The following MORN1 variants were observed in gnomAD, a reference collection of about 807,000 sequenced individuals.
MORN1 encodes the protein MORN repeat containing 1.
A neutral mutation model predicts 61.9 loss-of-function variants in MORN1; 67 were observed. That is an observed-to-expected ratio of 1.08 (90% CI 0.89 to 1.33). The LOEUF is 1.33. Among genes scored for constraint, MORN1 ranks in the 40% most tolerant of loss-of-function variants. The pLI is 0.00. For missense variants in MORN1, 752 were observed against 691.2 expected, an observed-to-expected ratio of 1.09 and a Z score of -0.99; for synonymous variants, 301 against 292.0, an observed-to-expected ratio of 1.03 and a Z score of -0.31.
At chr1:2,384,721 C>A (rs992555135) in intron 6 of MORN1, among the ~76,000 whole-genome samples, 12 of 152,238 alleles carry the variant, frequency 7.9e-5, no homozygotes, top group African/African-American at 2.7e-4. Flanking sequence ...TGAGAGCCGC[C>A]TGTGAGCTTC....
At chr1:2,380,707 G>A (rs1483638725) in intron 6 of MORN1, among the ~76,000 whole-genome samples, 1 of 151,980 alleles carries the variant, frequency 6.6e-6, no homozygotes, top group Non-Finnish European at 1.5e-5. Context: ...ACCATGCTTA[G>A]CTAATTTTGT....
chr1:2,373,605 G>A (rs1198957387), intron 7 of MORN1, among the ~76,000 whole-genome samples: 1 of 152,162 alleles, frequency 6.6e-6, no homozygotes, highest in Admixed American at 6.5e-5. Flanking sequence ...TCCACCTGAG[G>A]GAGAAGCACC....
At chr1:2,331,999 C>CTCTCCCGCCCCTGCACCTCTCCCGCT (rs769802824) in intron 12 of MORN1, 2 of 119,958 alleles carry the variant, frequency 1.7e-5, no homozygotes, top group East Asian at 5.8e-4. Context: ...CCTCTCCCGC[C>CTCTCCCGCCCCTGCACCTCTCCCGCT]GCTGCGCCTC....
At chr1:2,388,513 T>TC in intron 2 of MORN1, 176 bp from the exon 3 acceptor site, 1 of 574,362 alleles carries the variant, frequency 1.7e-6, no homozygotes, top group Non-Finnish European at 3.1e-6. Flanking sequence ...CAAAAATATC[T>TC]GCCGAAACAC....
rs139557449 is a variant in MORN1, at chr1:2,329,297, C to T, written c.1251-5154G>A. ...CTCACACCTGCTTTGGTTTAGTATC[C>T]CTGCTTGGACAAGACAGGGTTCATT... is the stretch of plus-strand genomic sequence containing the variant. On this transcript the variant is annotated intron_variant, in intron 12 of 13. Coordinates refer to ENST00000378531, the MANE Select transcript of MORN1 (RefSeq NM_024848.3). 1.6e-3 allele frequency among the ~76,000 whole-genome samples: 239 copies of T among 152,328 alleles called. 1 individual carries two copies. The highest frequency in any genetic ancestry group is 5.6e-3 in the African/African-American group (232 of 41,568).
In MORN1 at chr1:2,337,233, T is replaced by C. The variant is rs563521863; in HGVS notation, c.1037-383A>G. On this transcript the variant is annotated intron_variant, in intron 10 of 13. Transcript: ENST00000378531. This position sits in a 1 kb window ranked among gnomAD's most constrained non-coding sequence, Gnocchi z 5.7. ...GGCCGGAGAGGCTGGCGCTCAACAG[T>C]ACAGCTGTGTGCCCTCCTCGGAGCG... is the stretch of plus-strand genomic sequence containing the variant. Among the ~76,000 whole-genome samples, 222 of 152,264 alleles carry C rather than the reference T, an allele frequency of 1.5e-3. 1 individual carries two copies. The highest frequency in any genetic ancestry group is 5.0e-3 in the African/African-American group (207 of 41,546).
chr1:2,381,444 C>T (rs1000517095), intron 6 of MORN1, among the ~76,000 whole-genome samples: 3 of 152,144 alleles, frequency 2.0e-5, no homozygotes, highest in South Asian at 2.1e-4. Context: ...CAGAGCACCC[C>T]GTGGGGCAGC....
Position 2,388,224 on chromosome 1 carries a change from C to G in MORN1, c.247+15G>C. 6.2e-7 allele frequency: 1 copy of G among 1,606,330 alleles called. No individual in the cohort carries two copies. Among genetic ancestry groups the G allele is most frequent in the Non-Finnish European group, 8.5e-7 (1 of 1,173,702 alleles). ...ATGAGAAAGGAGTGAATGTGCCATC[C>G]CAGCTAGAGCTCACCTGACCAGGCC... On this transcript the variant is annotated intron_variant, in intron 3 of 13. Coordinates refer to ENST00000378531, the MANE Select transcript of MORN1 (RefSeq NM_024848.3).
chr1:2,390,188 T>C (rs953652787), intron 1 of MORN1, among the ~76,000 whole-genome samples, 192 bp from the exon 2 acceptor site: 22 of 152,138 alleles, frequency 1.4e-4, no homozygotes, highest in African/African-American at 3.6e-4. Flanking sequence ...ATTTGCTCAT[T>C]TGTTTATGTG....
In MORN1 at chr1:2,372,232, T is replaced by A. The variant is rs1305771838; in HGVS notation, c.745+249A>T. ...CACACCTGTGCAAGGCATACACACA[T>A]ATGCACACACATACAGGAGCACGCA... On this transcript the variant is annotated intron_variant, in intron 8 of 13. Coordinates refer to ENST00000378531, the MANE Select transcript of MORN1 (RefSeq NM_024848.3). This position sits in a 1 kb window ranked among gnomAD's most constrained non-coding sequence, Gnocchi z 5.4. The A allele has an allele frequency of 4.3e-6, 2 of 467,254 alleles. No homozygotes were observed. Among genetic ancestry groups the A allele is most frequent in the Admixed American group, 7.0e-5 (2 of 28,536 alleles). The allele number at this position is 467,254 out of a possible 1,614,324, so 28.9% of individuals were successfully genotyped here. A position where few individuals can be genotyped will look rare whatever the true frequency, so the allele number is the denominator to read the frequency against.
At chr1:2,391,375 T>C in intron 1 of MORN1, 83 bp downstream of exon 1, 1 of 1,235,898 alleles carries the variant, frequency 8.1e-7, no homozygotes, top group Non-Finnish European at 1.0e-6. Flanking sequence ...GGTGAGCATT[T>C]GGGGGTCGAG....
chr1:2,374,372 GGTCA>G (rs2100341800), intron 7 of MORN1, 85 bp downstream of exon 7: 1 of 1,132,614 alleles, frequency 8.8e-7, no homozygotes, highest in East Asian at 2.6e-5. Context: ...GTGTGCTCTT[GGTCA>G]GTGTTTCCCA....
At chr1:2,385,517 G>A (rs918020332) in intron 5 of MORN1, 3 of 306,738 alleles carry the variant, frequency 9.8e-6, no homozygotes, top group Admixed American at 1.0e-4. Flanking sequence ...CCACTTTGCC[G>A]CCAGCCTGAC....
In MORN1 at chr1:2,324,153, C is replaced by T. The variant is rs200444258; in HGVS notation, c.1251-10G>A. ...GGCTCTCCCCTCAGGCCTGTGGAGA[C>T]GACACAGTGAGGCCCCTGAATGCCC... is the stretch of plus-strand genomic sequence containing the variant. On this transcript the variant is annotated splice_polypyrimidine_tract_variant and intron_variant, in intron 12 of 13. Transcript: ENST00000378531. The T allele has an allele frequency of 2.8e-4, 449 of 1,594,812 alleles. 1 individual carries two copies. The highest frequency in any genetic ancestry group is 1.1e-3 in the South Asian group (99 of 88,234).
At position 2,357,286 on chromosome 1, in the gene MORN1, G is replaced by A; in HGVS notation, c.1036+146C>T. Reference sequence around the variant, plus strand: ...CTGGGGATGTGGGCTGCCCGGCCCTGCCTCCTTTCACCCACGCGTGATGAC... The same window carrying A: ...CTGGGGATGTGGGCTGCCCGGCCCTACCTCCTTTCACCCACGCGTGATGAC... On this transcript the variant is annotated intron_variant, in intron 10 of 13. Coordinates refer to ENST00000378531, the MANE Select transcript of MORN1 (RefSeq NM_024848.3). The surrounding 1 kb of genome is among the most constrained non-coding windows in gnomAD (Gnocchi z 6.3). The A allele has an allele frequency of 1.2e-6, 1 of 824,458 alleles. No individual in the cohort carries two copies. Among genetic ancestry groups the A allele is most frequent in the Non-Finnish European group, 1.9e-6 (1 of 538,676 alleles). The allele number at this position is 824,458 out of a possible 1,614,324, so 51.1% of individuals were successfully genotyped here.
chr1:2,384,275 C>T (rs1448596374), intron 6 of MORN1, among the ~76,000 whole-genome samples: 2 of 152,168 alleles, frequency 1.3e-5, no homozygotes, highest in Non-Finnish European at 2.9e-5. Context: ...GCCCGCACAT[C>T]CAACCTGTCA....
At chr1:2,383,442 G>C (rs1456148544) in intron 6 of MORN1, among the ~76,000 whole-genome samples, 3 of 152,182 alleles carry the variant, frequency 2.0e-5, no homozygotes, top group African/African-American at 4.8e-5. Context: ...GTCTCAGGAG[G>C]GTGCTGGGTT....
At chr1:2,386,999 TGAG>T in intron 4 of MORN1, 1 of 188,654 alleles carries the variant, frequency 5.3e-6, no homozygotes, top group African/African-American at 2.3e-5. Context: ...CCCAGGCCTA[TGAG>T]GACCTCAGGG....
chr1:2,335,829 A>AGCCCGGCCCAGCCCG (rs568929816), intron 12 of MORN1, among the ~76,000 whole-genome samples: 1 of 139,352 alleles, frequency 7.2e-6, no homozygotes, highest in Admixed American at 6.8e-5. Flanking sequence ...TCGCCTCCAT[A>AGCCCGGCCCAGCCCG]GCCCAGCCCA....
Sources: gnomAD v4.1 joint callset for allele counts (sites outside exome capture counted in the v4.1 genomes callset) on GRCh38, gnomAD v4.1.1 for gene constraint, Gnocchi (gnomAD v3.1) non-coding constraint, MANE v1.5 for transcripts, NCBI Gene and HGNC (gene_info 2026-07-23, HGNC 2026-07-21) for gene names.